Variants in PCDHGA4 observed in about 807,000 individuals in gnomAD.
The protein encoded by PCDHGA4 is protocadherin gamma subfamily A, 4, also known as protocadherin gamma-A4.
In PCDHGA4, 38 loss-of-function variants were observed where a neutral mutation model predicts 54.6. The ratio of observed to expected loss-of-function variants is 0.70; its 90% confidence interval spans 0.54 to 0.91. The LOEUF (loss-of-function observed/expected upper bound fraction) is 0.91, where lower values mean the gene tolerates loss of function less well. PCDHGA4 is among the 40% of genes least tolerant of loss of function. PCDHGA4 has a pLI of 0.00. For missense variants in PCDHGA4, 1,298 were observed against 1,220.9 expected (o/e 1.06, Z -0.94); for synonymous variants, 511 against 512.9 (o/e 1.00, Z 0.05).
intron 1 of PCDHGA4, among the ~76,000 whole-genome samples, chr5:141,369,837 A>G (rs1029246557): frequency 2.6e-5 from 4 of 152,164 alleles, no homozygotes; most frequent in Non-Finnish European, 5.9e-5. Flanking sequence ...ATGATTTTCT[A>G]TGTATTATTT....
At position 141,487,748 on chromosome 5, in the gene PCDHGA4, T is replaced by C. The variant is rs1458153935; in HGVS notation, c.2515-7059T>C. On this transcript the variant is annotated intron_variant, in intron 1 of 3. Coordinates refer to ENST00000571252, the MANE Select transcript of PCDHGA4 (RefSeq NM_018917.4). The surrounding 1 kb of genome is among the most constrained non-coding windows in gnomAD (Gnocchi z 5.0). ...TGTCACCATTTTTGTAAGAGGTAAC[T>C]ATGTGGTAGACGCTGTGCTTTGTAA... 1 of 1,557,436 alleles carries C rather than the reference T, an allele frequency of 6.4e-7. No individual in the cohort carries two copies. Among genetic ancestry groups the C allele is most frequent in the Non-Finnish European group, 8.7e-7 (1 of 1,149,514 alleles).
intron 1 of PCDHGA4, chr5:141,424,504 GT>G (rs892941709): frequency 6.6e-6 from 1 of 152,016 alleles, no homozygotes; most frequent in Non-Finnish European, 1.5e-5. Context: ...TGTATGGAAG[GT>G]TTTTTAATGT....
chr5:141,477,274 G>A lies in PCDHGA4; in HGVS notation c.2515-17533G>A. The A allele has an allele frequency of 2.5e-6, 4 of 1,614,034 alleles. No homozygotes were observed. Among genetic ancestry groups the A allele is most frequent in the East Asian group, 2.2e-5 (1 of 44,880 alleles). ...ACCTGGATGCTGGCGAGAACGGGCT[G>A]GTGACCTGCGAAGTTCCACCGGGTC... On this transcript the variant is annotated intron_variant, in intron 1 of 3. Coordinates refer to ENST00000571252, the MANE Select transcript of PCDHGA4 (RefSeq NM_018917.4). This position sits in a 1 kb window ranked among gnomAD's most constrained non-coding sequence, Gnocchi z 4.9.
At chr5:141,361,713 C>T (rs747794210) in intron 1 of PCDHGA4, 1 of 1,613,286 alleles carries the variant, frequency 6.2e-7, no homozygotes, top group African/African-American at 1.3e-5. Flanking sequence ...AGCAGCTGCG[C>T]GCCTTCGAGC....
chr5:141,503,400 A>C (rs2099819725), intron 2 of PCDHGA4, among the ~76,000 whole-genome samples: 1 of 151,750 alleles, frequency 6.6e-6, no homozygotes, highest in Non-Finnish European at 1.5e-5. Context: ...TTCGAAACCA[A>C]CCTGGCCAAT....
At chr5:141,488,146 A>G (rs1458115635) in intron 1 of PCDHGA4, among the ~76,000 whole-genome samples, 2 of 152,164 alleles carry the variant, frequency 1.3e-5, no homozygotes, top group South Asian at 4.1e-4. Context: ...AACTAAAGGA[A>G]TAGAGAGGCA....
intron 1 of PCDHGA4, chr5:141,371,092 C>T (rs1348283879): frequency 6.2e-7 from 1 of 1,613,802 alleles, no homozygotes. Context: ...GTAATTGTCG[C>T]AGATGCAAAT....
chr5:141,422,136 AGTACGGGG>A (rs772818860), intron 1 of PCDHGA4: 9 of 1,588,992 alleles, frequency 5.7e-6, no homozygotes, highest in Non-Finnish European at 7.7e-6. Flanking sequence ...GAGAAGTTCA[AGTACGGGG>A]GTCTCTGGAT....
chr5:141,432,992 G>A lies in PCDHGA4; in HGVS notation c.2515-61815G>A, dbSNP rs777975384. On this transcript the variant is annotated intron_variant, in intron 1 of 3. Coordinates refer to ENST00000571252, the MANE Select transcript of PCDHGA4 (RefSeq NM_018917.4). The surrounding 1 kb of genome is among the most constrained non-coding windows in gnomAD (Gnocchi z 6.0). The stretch of plus-strand genomic sequence containing the variant: ...GGCGTCGCACTTTGTGGGCGTGGAC[G>A]GGGTGCAGGCTTTCCTGCAGACCTA... 1.9e-6 allele frequency: 3 copies of A among 1,614,174 alleles called. No homozygotes were observed. In the Admixed American group the frequency reaches 5.0e-5, roughly 27 times the overall value.
In PCDHGA4 at chr5:141,476,584, C is replaced by G. The variant is rs140544807; in HGVS notation, c.2515-18223C>G. ...TGGCTCCGGGGACGCGCTTTCCGCTCGAGAGCGCGCACGATCCCGATGTGG... is the reference window on the plus strand; with the variant it reads ...TGGCTCCGGGGACGCGCTTTCCGCTGGAGAGCGCGCACGATCCCGATGTGG... On this transcript the variant is annotated intron_variant, in intron 1 of 3. Coordinates refer to ENST00000571252, the MANE Select transcript of PCDHGA4 (RefSeq NM_018917.4). This position sits in a 1 kb window ranked among gnomAD's most constrained non-coding sequence, Gnocchi z 7.6. 1.2e-5 allele frequency: 19 copies of G among 1,614,100 alleles called. No homozygotes were observed. The African/African-American group carries it at 2.3e-4, about 19-fold the overall frequency.
chr5:141,434,517 G>A (rs1476955199), intron 1 of PCDHGA4, among the ~76,000 whole-genome samples: 1 of 152,212 alleles, frequency 6.6e-6, no homozygotes, highest in East Asian at 1.9e-4. Context: ...GCTTAAAGGT[G>A]TTCTTAAACC....
chr5:141,409,879 A>C, intron 1 of PCDHGA4: 1 of 1,612,852 alleles, frequency 6.2e-7, no homozygotes. Context: ...ATGACAACGC[A>C]CCGCGGGTGC....
At chr5:141,392,575 T>C (rs1185769260) in intron 1 of PCDHGA4, 2 of 459,466 alleles carry the variant, frequency 4.4e-6, no homozygotes, top group Non-Finnish European at 7.7e-6. Flanking sequence ...TATTTAGGAC[T>C]GTAAGCGCCG....
At chr5:141,409,441 G>C (rs1432743588) in intron 1 of PCDHGA4, 1 of 1,613,884 alleles carries the variant, frequency 6.2e-7, no homozygotes, top group East Asian at 2.2e-5. Context: ...TGGACCGAGA[G>C]CAGACACCAG....
In PCDHGA4 at chr5:141,493,356, C is replaced by G. The variant is rs1303319550; in HGVS notation, c.2515-1451C>G. On this transcript the variant is annotated intron_variant, in intron 1 of 3. Transcript: ENST00000571252. The surrounding 1 kb of genome is among the most constrained non-coding windows in gnomAD (Gnocchi z 4.3). ...ACTCCAGAATGTGTGCTTTTAATTT[C>G]TTGGCACTTGGAACTTTAAAAGCTT... Among the ~76,000 whole-genome samples the G allele has an allele frequency of 6.6e-6, 1 of 152,182 alleles. No individual in the cohort carries two copies. The highest frequency in any genetic ancestry group is 1.5e-5 in the Non-Finnish European group (1 of 68,032).
At position 141,502,349 on chromosome 5, in the gene PCDHGA4, T is replaced by C. The variant is rs369766657; in HGVS notation, c.2574-3044T>C. 1.3e-3 allele frequency among the ~76,000 whole-genome samples: 200 copies of C among 152,292 alleles called. 3 individuals carry two copies. In the South Asian group the frequency reaches 0.034, roughly 26 times the overall value. On this transcript the variant is annotated intron_variant, in intron 2 of 3. Transcript: ENST00000571252. ...GCTCCCAGTCTTTTTATTTTTTTAA[T>C]GACATGGATATTTTTAAAGAGTCCA...
chr5:141,409,304 C>T, intron 1 of PCDHGA4: 2 of 1,613,954 alleles, frequency 1.2e-6, no homozygotes, highest in Non-Finnish European at 1.7e-6. Flanking sequence ...GGTTGTTGCC[C>T]TCTTCAAAAC....
intron 1 of PCDHGA4, chr5:141,402,922 C>A: frequency 1.3e-6 from 2 of 1,576,446 alleles, no homozygotes; most frequent in Non-Finnish European, 8.6e-7. Flanking sequence ...GCACAGAGAT[C>A]CTTTTGAGAA....
rs373430964 is a variant in PCDHGA4, at chr5:141,374,999, A to G, written c.2514+17378A>G. The G allele has an allele frequency of 1.1e-5, 17 of 1,613,928 alleles. No homozygotes were observed. The African/African-American group carries it at 2.1e-4, about 20-fold the overall frequency. On this transcript the variant is annotated intron_variant, in intron 1 of 3. Transcript: ENST00000571252. ...GACTGGAGAAATTTCAACTTCTGCA[A>G]ATCTAGACTATGAGGACTCGAGTTT...
Sources: allele counts gnomAD v4.1 joint callset (sites outside exome capture counted in the v4.1 genomes callset), GRCh38; gene constraint gnomAD v4.1.1; non-coding constraint Gnocchi (gnomAD v3.1); transcripts MANE v1.5; gene names NCBI Gene and HGNC (gene_info 2026-07-23, HGNC 2026-07-21).